OPN5: variants seen among roughly 807,000 people sequenced by gnomAD.
The protein encoded by OPN5 is opsin 5.
A neutral mutation model predicts 41.7 loss-of-function variants in OPN5; 18 were observed. The ratio of observed to expected loss-of-function variants is 0.43; its 90% CI spans 0.30 to 0.64. OPN5 has a LOEUF of 0.64. Among genes scored for constraint, OPN5 ranks in the 30% least tolerant of loss-of-function variants. OPN5 has a pLI of 0.13. For missense variants in OPN5, 318 were observed against 434.5 expected (o/e 0.73, Z 2.38); for synonymous variants, 178 against 164.3 (o/e 1.08, Z -0.64).
downstream of OPN5, chr6:47,824,898 T>C (rs1298912152): frequency 6.6e-6 from 1 of 152,210 alleles, no homozygotes; most frequent in East Asian, 1.9e-4. Flanking sequence ...TTCTTTCTTT[T>C]TACTTTGTTG....
At chr6:47,791,630 T>G (rs183497700) in intron 2 of OPN5, among the ~76,000 whole-genome samples, 172 bp from the exon 3 acceptor site, 6 of 152,358 alleles carry the variant, frequency 3.9e-5, no homozygotes, top group African/African-American at 1.4e-4. Flanking sequence ...ACTGAGTTTA[T>G]TCATAGATAA....
intron 4 of OPN5, among the ~76,000 whole-genome samples, chr6:47,797,217 A>G (rs1297024460): frequency 6.6e-6 from 1 of 152,176 alleles, no homozygotes; most frequent in East Asian, 1.9e-4. Flanking sequence ...GTTGACTGTT[A>G]TGCTCAAACT....
intron 4 of OPN5, among the ~76,000 whole-genome samples, chr6:47,806,982 A>C (rs1321133489): frequency 6.6e-6 from 1 of 151,908 alleles, no homozygotes; most frequent in African/African-American, 2.4e-5. Flanking sequence ...ACATGGTGAA[A>C]CCCTGTCTCT....
chr6:47,826,282 A>G (rs985899161), downstream of OPN5: 1 of 152,150 alleles, frequency 6.6e-6, no homozygotes, highest in Non-Finnish European at 1.5e-5. Context: ...TGAAAATATT[A>G]TGAATATCTT....
At chr6:47,811,789 A>G in intron 6 of OPN5, 58 bp downstream of exon 6, 1 of 1,041,522 alleles carries the variant, frequency 9.6e-7, no homozygotes, top group Non-Finnish European at 1.5e-6. Flanking sequence ...TTGCCTCTTC[A>G]CTGCTGTAAA....
At chr6:47,784,164 T>C (rs1773142869) in intron 1 of OPN5, among the ~76,000 whole-genome samples, 1 of 152,104 alleles carries the variant, frequency 6.6e-6, no homozygotes, top group South Asian at 2.1e-4. Flanking sequence ...GCCAATGGTA[T>C]GTTAGAGAAC....
chr6:47,824,404 T>A (rs187191269), exon 7 of OPN5: 1 of 224,356 alleles, frequency 4.5e-6, no homozygotes, highest in East Asian at 9.8e-5. Context: ...TTTGTTCTAT[T>A]GCAGATGATG....
chr6:47,825,573 CT>C (rs1403486759), downstream of OPN5: 1 of 152,190 alleles, frequency 6.6e-6, no homozygotes, highest in East Asian at 1.9e-4. Flanking sequence ...CAAGTCAAAA[CT>C]ACTGTTGTAC....
chr6:47,803,291 T>A (rs1773844976), intron 4 of OPN5, among the ~76,000 whole-genome samples: 1 of 152,214 alleles, frequency 6.6e-6, no homozygotes, highest in Non-Finnish European at 1.5e-5. Flanking sequence ...TGCTTGCCAC[T>A]GGTAGAATCA....
In OPN5 at chr6:47,790,366, A is replaced by T. The variant is rs538349813; in HGVS notation, c.251-1436A>T. ...TGCTTAATATTTCTTTCCCTAAATG[A>T]CCTACCTACTTCCCCTTCAGGGGAC... On this transcript the variant is annotated intron_variant, in intron 2 of 6. Transcript: ENST00000371211. Among the ~76,000 whole-genome samples the T allele has an allele frequency of 3.9e-5, 6 of 152,140 alleles. No individual in the cohort carries two copies. In the South Asian group the frequency reaches 1.0e-3, roughly 26 times the overall value.
intron 6 of OPN5, among the ~76,000 whole-genome samples, chr6:47,813,425 AC>A (rs1291132079): frequency 1.3e-5 from 2 of 152,106 alleles, no homozygotes; most frequent in Non-Finnish European, 2.9e-5. Flanking sequence ...ATAGAGAAGC[AC>A]CCCTGGGTAC....
At chr6:47,787,977 T>C (rs1773244319) in intron 2 of OPN5, among the ~76,000 whole-genome samples, 1 of 152,232 alleles carries the variant, frequency 6.6e-6, no homozygotes, top group African/African-American at 2.4e-5. Flanking sequence ...GGCTCAATAA[T>C]AATCCTCCGC....
At chr6:47,785,815 C>T (rs998449710) in intron 1 of OPN5, among the ~76,000 whole-genome samples, 2 of 152,130 alleles carry the variant, frequency 1.3e-5, no homozygotes, top group Admixed American at 6.5e-5. Flanking sequence ...TTGGTAGGTT[C>T]GGTGGGTTGA....
intron 6 of OPN5, among the ~76,000 whole-genome samples, chr6:47,820,022 C>T (rs1162293043): frequency 6.6e-6 from 1 of 152,190 alleles, no homozygotes; most frequent in Non-Finnish European, 1.5e-5. Context: ...TGCTCAGCCT[C>T]AATACACTCC....
chr6:47,804,415 GAC>G (rs1017673100), intron 4 of OPN5, among the ~76,000 whole-genome samples: 1 of 152,120 alleles, frequency 6.6e-6, no homozygotes, highest in African/African-American at 2.4e-5. Flanking sequence ...TAAAAATTAA[GAC>G]ACACTTAGAA....
At chr6:47,816,947 G>C (rs1470334334) in intron 6 of OPN5, among the ~76,000 whole-genome samples, 2 of 152,108 alleles carry the variant, frequency 1.3e-5, no homozygotes, top group Non-Finnish European at 1.5e-5. Flanking sequence ...GGAGGTAGGA[G>C]GACATTTCTC....
chr6:47,798,509 C>T (rs902904416), intron 4 of OPN5, among the ~76,000 whole-genome samples: 2 of 151,112 alleles, frequency 1.3e-5, no homozygotes, highest in Non-Finnish European at 2.9e-5. Flanking sequence ...TGTAGGAATA[C>T]ATATATATAT....
At chr6:47,824,459 G>A in exon 7 of OPN5, 1 of 164,356 alleles carries the variant, frequency 6.1e-6, no homozygotes, top group Non-Finnish European at 1.3e-5. Context: ...CTGTTTTTAT[G>A]ACTGGCAAAG....
At chr6:47,800,228 G>A (rs912545557) in intron 4 of OPN5, among the ~76,000 whole-genome samples, 1 of 152,198 alleles carries the variant, frequency 6.6e-6, no homozygotes, top group African/African-American at 2.4e-5. Context: ...CATGCCAGAT[G>A]GGAAATGGAG....
Sources: gnomAD v4.1 joint callset for allele counts (sites outside exome capture counted in the v4.1 genomes callset) on GRCh38, gnomAD v4.1.1 for gene constraint, MANE v1.5 for transcripts, NCBI Gene and HGNC (gene_info 2026-07-23, HGNC 2026-07-21) for gene names.